KDM3A: variants seen among roughly 807,000 people sequenced by gnomAD.
KDM3A encodes the protein lysine-specific demethylase 3A.
A neutral mutation model predicts 158.0 loss-of-function variants in KDM3A; 60 were observed. The ratio of observed to expected loss-of-function variants is 0.38; its 90% CI spans 0.31 to 0.47. The LOEUF (loss-of-function observed/expected upper bound fraction) is 0.47, where lower values mean the gene tolerates loss of function less well. Among genes scored for constraint, KDM3A ranks in the 20% least tolerant of loss-of-function variants. KDM3A has a pLI of 0.99. For missense variants in KDM3A, 1,319 were observed against 1,574.3 expected, an observed-to-expected ratio of 0.84 and a Z score of 2.74; for synonymous variants, 608 against 549.3, an observed-to-expected ratio of 1.11 and a Z score of -1.49.
intron 5 of KDM3A, 24 bp from the exon 6 acceptor site, chr2:86,456,418 T>TTTC (rs756622070): frequency 9.9e-5 from 87 of 882,440 alleles, no homozygotes; most frequent in Non-Finnish European, 7.0e-5. Context: ...GCTCTAAGAT[T>TTTC]TTTTTTTTTT....
chr2:86,461,304 C>T (rs575046826), intron 8 of KDM3A, among the ~76,000 whole-genome samples: 2 of 152,172 alleles, frequency 1.3e-5, no homozygotes, highest in African/African-American at 4.8e-5. Context: ...TCCCTCTGTT[C>T]CTCCATCCCT....
At chr2:86,471,319 A>G (rs1462489954) in intron 11 of KDM3A, among the ~76,000 whole-genome samples, 2 of 151,474 alleles carry the variant, frequency 1.3e-5, no homozygotes, top group Admixed American at 1.3e-4. Context: ...ATATATGTGT[A>G]TATGTGTATG....
rs1672638817 is a variant in KDM3A at position 86,455,248 on chromosome 2, C to CT, written c.556+62dup. ...TGACCAATGATTAGCTTGTGAGAAA[C>CT]TAGGGTTTAGCCTCTCATTCATTTG... On this transcript the variant is annotated intron_variant, in intron 5 of 25. Coordinates refer to ENST00000312912, the MANE Select transcript of KDM3A (RefSeq NM_018433.6). 9 of 909,644 alleles carry CT rather than the reference C, an allele frequency of 9.9e-6. No individual in the cohort carries two copies. The South Asian group carries it at 1.3e-4, about 13-fold the overall frequency. The allele number at this position is 909,644 out of a possible 1,614,324, so 56.3% of individuals were successfully genotyped here.
rs760188009 is a variant in KDM3A, at chr2:86,456,550, A to C, written c.665A>C (p.Gln222Pro). 6.2e-7 allele frequency: 1 copy of C among 1,609,066 alleles called. No homozygotes were observed. The highest frequency in any genetic ancestry group is 8.5e-7 in the Non-Finnish European group (1 of 1,178,082). Reference protein sequence around the residue: ...INGNPASKTLQVNCEEIPALK... With the variant: ...INGNPASKTLPVNCEEIPALK... ...GGAAACCCAGCATCAAAAACTCTTC[A>C]AGTCAACTGTGAGGAGGTAAAGACA... The change falls in exon 6 of 26, where the codon CAA (glutamine) becomes CCA (proline). Residue 222 changes from glutamine to proline, a missense_variant. Gln to Pro is a moderately conservative substitution (Grantham distance 76). Around this residue, in one of 4 missense-constraint regions of KDM3A, gnomAD observed 652 missense variants for 627.2 expected, o/e 1.04. Coordinates refer to ENST00000312912, the MANE Select transcript of KDM3A (RefSeq NM_018433.6).
chr2:86,466,991 T>C, intron 10 of KDM3A, 108 bp downstream of exon 10: 1 of 935,458 alleles, frequency 1.1e-6, no homozygotes, highest in Non-Finnish European at 1.5e-6. Context: ...GTAGAAATAG[T>C]TTATACAGTC....
intron 3 of KDM3A, among the ~76,000 whole-genome samples, chr2:86,450,423 C>G (rs1558605317): frequency 1.3e-5 from 2 of 152,112 alleles, no homozygotes; most frequent in Non-Finnish European, 2.9e-5. Context: ...TGTAGGGTTT[C>G]CAGTCTTGAT....
At chr2:86,447,725 A>G (rs972285373) in intron 2 of KDM3A, among the ~76,000 whole-genome samples, 19 of 152,188 alleles carry the variant, frequency 1.2e-4, no homozygotes, top group Non-Finnish European at 2.5e-4. Context: ...GGTGCAAGTT[A>G]GTTGGTTTCC....
intron 23 of KDM3A, 80 bp from the exon 24 acceptor site, chr2:86,490,801 C>T: frequency 9.4e-7 from 1 of 1,063,458 alleles, no homozygotes; most frequent in Admixed American, 2.7e-5. Flanking sequence ...TATGAACTGC[C>T]AACACTGTTT....
At chr2:86,440,605 T>C (rs1029384599), upstream of KDM3A, 3 of 152,232 alleles carry the variant, frequency 2.0e-5, no homozygotes, top group African/African-American at 7.2e-5. Context: ...TCATTATACA[T>C]TGTATTTAAA....
chr2:86,470,170 G>C (rs921311076), intron 10 of KDM3A, 34 bp from the exon 11 acceptor site: 2 of 1,578,220 alleles, frequency 1.3e-6, no homozygotes, highest in East Asian at 2.2e-5. Context: ...TTAAAAATTT[G>C]AGGTCCTGTC....
chr2:86,444,672 G>C (rs915422938), intron 2 of KDM3A, among the ~76,000 whole-genome samples: 3 of 151,590 alleles, frequency 2.0e-5, no homozygotes, highest in South Asian at 2.1e-4. Context: ...GGGGTGGGGC[G>C]AGGGGCTGAG....
At chr2:86,458,136 A>G (rs974556929) in intron 8 of KDM3A, among the ~76,000 whole-genome samples, 2 of 152,184 alleles carry the variant, frequency 1.3e-5, no homozygotes, top group Admixed American at 1.3e-4. Flanking sequence ...CAGGAAGCCA[A>G]TGAATAAATC....
intron 2 of KDM3A, among the ~76,000 whole-genome samples, chr2:86,445,019 A>G (rs1358919435): frequency 6.6e-6 from 1 of 152,240 alleles, no homozygotes; most frequent in Admixed American, 6.5e-5. Flanking sequence ...ATCCTCACAA[A>G]TATCCTAGAT....
At chr2:86,469,573 C>A (rs1319030039) in intron 10 of KDM3A, among the ~76,000 whole-genome samples, 1 of 152,200 alleles carries the variant, frequency 6.6e-6, no homozygotes, top group Non-Finnish European at 1.5e-5. Context: ...TCTGCATTTA[C>A]TTAGAATGAT....
At chr2:86,442,396 T>A (rs1682765899) in intron 2 of KDM3A, 163 bp downstream of exon 2, 1 of 672,030 alleles carries the variant, frequency 1.5e-6, no homozygotes, top group East Asian at 2.9e-5. Context: ...AATGGTTGTA[T>A]AGAGCCGAGT....
At chr2:86,462,490 TAAAC>T (rs959244629) in intron 8 of KDM3A, among the ~76,000 whole-genome samples, 12 of 152,112 alleles carry the variant, frequency 7.9e-5, no homozygotes, top group Non-Finnish European at 1.5e-5. Flanking sequence ...ACTTTAGGAA[TAAAC>T]AAATTTCCTC....
chr2:86,442,323 C>A, intron 2 of KDM3A, 90 bp downstream of exon 2: 1 of 1,252,292 alleles, frequency 8.0e-7, no homozygotes, highest in Non-Finnish European at 1.1e-6. Flanking sequence ...TTTCTGAAAA[C>A]GGAGACCAGA....
At chr2:86,487,036 C>T (rs1177125646) in intron 21 of KDM3A, 1 of 152,242 alleles carries the variant, frequency 6.6e-6, no homozygotes, top group Non-Finnish European at 1.5e-5. Context: ...GGTCCTGTCC[C>T]TCGAGCCCCT....
At chr2:86,473,776 C>T (rs1291809642) in intron 11 of KDM3A, among the ~76,000 whole-genome samples, 1 of 152,008 alleles carries the variant, frequency 6.6e-6, no homozygotes, top group African/African-American at 2.4e-5. Flanking sequence ...TTTTGTGTTT[C>T]AAAAATTTAA....
Sources: gnomAD v4.1 joint callset for allele counts (sites outside exome capture counted in the v4.1 genomes callset) on GRCh38, gnomAD v4.1.1 for gene constraint, gnomAD v4.1.1 regional missense constraint, MANE v1.5 for transcripts, NCBI Gene and HGNC (gene_info 2026-07-23, HGNC 2026-07-21) for gene names.